The following RAP1GDS1 variants were observed in gnomAD, a reference collection of about 807,000 sequenced individuals.
RAP1GDS1 encodes Rap1 GTPase-GDP dissociation stimulator 1.
Under a neutral mutation model 71.1 loss-of-function variants are expected in RAP1GDS1, and 35 were observed. The observed-to-expected ratio is 0.49, with a 90% confidence interval of 0.38 to 0.65. The LOEUF (loss-of-function observed/expected upper bound fraction) is 0.65. Among genes scored for constraint, RAP1GDS1 ranks in the 30% least tolerant of loss-of-function variants. The pLI is 0.00. For missense variants in RAP1GDS1, 663 were observed against 706.1 expected, an observed-to-expected ratio of 0.94 and a Z score of 0.69; for synonymous variants, 229 against 243.1, an observed-to-expected ratio of 0.94 and a Z score of 0.54.
intron 4 of RAP1GDS1, among the ~76,000 whole-genome samples, chr4:98,362,561 G>T (rs1485941626): frequency 6.7e-6 from 1 of 149,626 alleles, no homozygotes; most frequent in Non-Finnish European, 1.5e-5. Context: ...AAAATTAAAA[G>T]CAGTATATTT....
At chr4:98,302,778 A>C (rs958823063) in intron 2 of RAP1GDS1, among the ~76,000 whole-genome samples, 4 of 152,138 alleles carry the variant, frequency 2.6e-5, no homozygotes, top group Non-Finnish European at 2.9e-5. Context: ...AGGCATGGTG[A>C]CCCACACCTG....
intron 7 of RAP1GDS1, among the ~76,000 whole-genome samples, chr4:98,411,205 G>A (rs116636242): frequency 0.018 from 2,717 of 152,374 alleles, 36 homozygotes; most frequent in South Asian, 0.051. Flanking sequence ...TGGGCTGTCT[G>A]CTTTGGCAGA....
chr4:98,354,878 A>T (rs1737728055), intron 4 of RAP1GDS1, among the ~76,000 whole-genome samples: 2 of 152,214 alleles, frequency 1.3e-5, no homozygotes, highest in Non-Finnish European at 2.9e-5. Flanking sequence ...GAATAAATGT[A>T]AGAAGTGATT....
At chr4:98,271,987 G>A (rs1262646110) in intron 1 of RAP1GDS1, among the ~76,000 whole-genome samples, 1 of 152,138 alleles carries the variant, frequency 6.6e-6, no homozygotes, top group Non-Finnish European at 1.5e-5. Flanking sequence ...ACCTTCAGAA[G>A]TTCTGGTTCA....
intron 2 of RAP1GDS1, among the ~76,000 whole-genome samples, chr4:98,304,231 C>A (rs1488809077): frequency 6.6e-6 from 1 of 152,096 alleles, no homozygotes; most frequent in Non-Finnish European, 1.5e-5. Flanking sequence ...ATTGCTGGGT[C>A]AAATGGTATT....
intron 4 of RAP1GDS1, among the ~76,000 whole-genome samples, chr4:98,366,241 T>C (rs1232283608): frequency 1.3e-5 from 2 of 152,144 alleles, no homozygotes; most frequent in African/African-American, 2.4e-5. Flanking sequence ...TCATGAGATC[T>C]GATGGTTATT....
chr4:98,404,672 A>C, intron 7 of RAP1GDS1, 70 bp downstream of exon 7: 1 of 1,506,790 alleles, frequency 6.6e-7, no homozygotes, highest in Non-Finnish European at 9.0e-7. Context: ...AATATTATTT[A>C]ATTGCCAGCC....
chr4:98,271,678 T>G (rs1015827413), intron 1 of RAP1GDS1, among the ~76,000 whole-genome samples: 5 of 152,322 alleles, frequency 3.3e-5, no homozygotes, highest in Admixed American at 2.6e-4. Flanking sequence ...GAAAATTTAA[T>G]AATTATATCT....
intron 2 of RAP1GDS1, among the ~76,000 whole-genome samples, chr4:98,308,999 T>G (rs1729810667): frequency 6.6e-6 from 1 of 152,134 alleles, no homozygotes. Flanking sequence ...AATTAATAAG[T>G]ATTCATTTAT....
Position 98,443,478 on chromosome 4 carries a change from G to C in RAP1GDS1, c.*1361G>C. On this transcript the variant is annotated 3_prime_UTR_variant, in exon 15 of 15. Coordinates refer to ENST00000408927, the MANE Select transcript of RAP1GDS1 (RefSeq NM_001100427.2). ...AATTTGACCACTACTGGCCTAAAAG[G>C]CAAGATGGGCTTCGATATAGAAGGA... 1 of 229,542 alleles carries C rather than the reference G, an allele frequency of 4.4e-6. No homozygotes were observed. The allele number at this position is 229,542 out of a possible 1,614,324, so 14.2% of individuals were successfully genotyped here. A position where few individuals can be genotyped will look rare whatever the true frequency, so the allele number is the denominator to read the frequency against.
chr4:98,392,160 C>G (rs748739365), intron 6 of RAP1GDS1, 80 bp downstream of exon 6: 42 of 1,294,922 alleles, frequency 3.2e-5, no homozygotes, highest in Non-Finnish European at 4.0e-5. Flanking sequence ...TATTAAGAAG[C>G]TAGAAATCCA....
chr4:98,434,406 C>T (rs73834489), intron 13 of RAP1GDS1, among the ~76,000 whole-genome samples: 8,627 of 152,144 alleles, frequency 0.057, 622 homozygotes, highest in African/African-American at 0.17. Context: ...GTCTGCTACT[C>T]TCCCAGTGAC....
intron 2 of RAP1GDS1, among the ~76,000 whole-genome samples, chr4:98,326,251 C>T (rs1733061802): frequency 6.6e-6 from 1 of 152,128 alleles, no homozygotes; most frequent in African/African-American, 2.4e-5. Flanking sequence ...ATATCTTAGC[C>T]ATCTTCCCCA....
In RAP1GDS1 at chr4:98,322,903, C is replaced by A. The variant is rs1314778690; in HGVS notation, c.113-20236C>A. ...AACACATTCAAAAGCTAGCAGAAGG[C>A]AAGAAATAACTAAAATCAGAGCAGA... On this transcript the variant is annotated intron_variant, in intron 2 of 14. Transcript: ENST00000408927. 1.6e-4 allele frequency among the ~76,000 whole-genome samples: 18 copies of A among 115,592 alleles called. 1 individual carries two copies. The highest frequency in any genetic ancestry group is 1.6e-5 in the Non-Finnish European group (1 of 63,106). The allele number at this position is 115,592 out of a possible 152,430, so 75.8% of individuals were successfully genotyped here.
At chr4:98,275,212 C>T (rs1724035843) in intron 1 of RAP1GDS1, among the ~76,000 whole-genome samples, 1 of 152,128 alleles carries the variant, frequency 6.6e-6, no homozygotes, top group Admixed American at 6.6e-5. Flanking sequence ...GATAACAAAA[C>T]AATTCACATA....
chr4:98,292,753 AT>A (rs1183873766), intron 1 of RAP1GDS1, among the ~76,000 whole-genome samples: 4 of 152,186 alleles, frequency 2.6e-5, no homozygotes, highest in African/African-American at 7.2e-5. Context: ...TATAGCAATA[AT>A]ATAAACAAAA....
chr4:98,400,538 A>AC (rs1553997199), intron 6 of RAP1GDS1, among the ~76,000 whole-genome samples: 1 of 150,714 alleles, frequency 6.6e-6, no homozygotes, highest in African/African-American at 2.5e-5. Context: ...TAAAAAAAAA[A>AC]AAAAAAAAAC....
chr4:98,287,567 G>T (rs1010011512), intron 1 of RAP1GDS1, among the ~76,000 whole-genome samples: 1 of 152,124 alleles, frequency 6.6e-6, no homozygotes, highest in Admixed American at 6.6e-5. Context: ...ATATGAATAG[G>T]TATGACTACA....
intron 14 of RAP1GDS1, 34 bp downstream of exon 14, chr4:98,437,102 C>A: frequency 6.5e-7 from 1 of 1,533,404 alleles, no homozygotes; most frequent in Non-Finnish European, 8.7e-7. Context: ...TGTCCATAAA[C>A]ATATGGTTCA....
Sources: gnomAD v4.1 joint callset for allele counts (sites outside exome capture counted in the v4.1 genomes callset) on GRCh38, gnomAD v4.1.1 for gene constraint, MANE v1.5 for transcripts, NCBI Gene and HGNC (gene_info 2026-07-23, HGNC 2026-07-21) for gene names.